PLA1A: variants seen among roughly 807,000 people sequenced by gnomAD.
PLA1A encodes phospholipase A1 member A.
A neutral mutation model predicts 49.4 loss-of-function variants in PLA1A; 47 were observed. The observed-to-expected ratio is 0.95, with a 90% CI of 0.75 to 1.21. The LOEUF is 1.21. Ranked by LOEUF, PLA1A falls within the 50% of genes most tolerant of loss-of-function variation. The pLI is 0.00. For synonymous variants in PLA1A, 224 were observed against 207.9 expected, an observed-to-expected ratio of 1.08 and a Z score of -0.67; for missense variants, 561 against 563.9, an observed-to-expected ratio of 0.99 and a Z score of 0.05.
intron 1 of PLA1A, 43 bp from the exon 2 acceptor site, chr3:119,606,731 A>G (rs1370683959): frequency 2.0e-6 from 3 of 1,493,922 alleles, no homozygotes; most frequent in African/African-American, 1.4e-5. Flanking sequence ...AGAACAGATG[A>G]CCTCACCTTG....
At chr3:119,613,306 T>A (rs545780296) in intron 5 of PLA1A, among the ~76,000 whole-genome samples, 188 bp downstream of exon 5, 1 of 152,352 alleles carries the variant, frequency 6.6e-6, no homozygotes, top group South Asian at 2.1e-4. Flanking sequence ...CTGAGGTGAA[T>A]GGTTGTATTT....
At chr3:119,624,541 C>T (rs1296630588) in intron 8 of PLA1A, among the ~76,000 whole-genome samples, 1 of 152,060 alleles carries the variant, frequency 6.6e-6, no homozygotes, top group Non-Finnish European at 1.5e-5. Flanking sequence ...TACAAAATAA[C>T]AAAAACTAAC....
rs572534437 is a variant in PLA1A, at chr3:119,614,028, C to T, written c.664+910C>T. Among the ~76,000 whole-genome samples, 41 of 152,364 alleles carry T rather than the reference C, an allele frequency of 2.7e-4. No homozygotes were observed. In the South Asian group the frequency reaches 6.4e-3, roughly 24 times the overall value. On this transcript the variant is annotated intron_variant, in intron 5 of 10. Transcript: ENST00000273371. ...GCGGGGGCATTCCTCTTCATGTCTG[C>T]TCCACGGCAAATGCCTGTGGGGTCT...
At chr3:119,608,250 A>AAGAAAGAT (rs1560078860) in intron 2 of PLA1A, among the ~76,000 whole-genome samples, 1 of 82,562 alleles carries the variant, frequency 1.2e-5, no homozygotes, top group East Asian at 2.6e-4. Context: ...GAGAGAAAGA[A>AAGAAAGAT]AGAAAGAAAG....
At chr3:119,617,748 A>AAAAGAAAAG (rs1175342972) in intron 6 of PLA1A, among the ~76,000 whole-genome samples, 3 of 151,648 alleles carry the variant, frequency 2.0e-5, no homozygotes, top group Non-Finnish European at 4.4e-5. Context: ...GTCTCAAAAA[A>AAAAGAAAAG]AAAAGAAAAG....
chr3:119,598,112 T>C, intron 1 of PLA1A, 126 bp downstream of exon 1: 1 of 561,988 alleles, frequency 1.8e-6, no homozygotes, highest in Middle Eastern at 2.7e-4. Context: ...GAGGTGAATT[T>C]AAAACAGTAG....
rs141130863 is a variant in PLA1A, at chr3:119,615,638, C to T, written c.665-374C>T. ...ACCAGCCTGGCTAACATGGTGAAAC[C>T]CTGTCTCTACTAAAAAAACACAAAA... On this transcript the variant is annotated intron_variant, in intron 5 of 10. Transcript: ENST00000273371. Among the ~76,000 whole-genome samples the T allele has an allele frequency of 5.0e-3, 753 of 151,846 alleles. 2 individuals are homozygous for T. Among genetic ancestry groups the T allele is most frequent in the African/African-American group, 0.018 (730 of 41,382 alleles).
intron 8 of PLA1A, 70 bp from the exon 9 acceptor site, chr3:119,625,054 G>T: frequency 1.1e-6 from 1 of 898,358 alleles, no homozygotes; most frequent in East Asian, 2.4e-5. Context: ...CCACACTGCT[G>T]CTCTCTGGGG....
intron 5 of PLA1A, among the ~76,000 whole-genome samples, chr3:119,613,428 G>T (rs1390102603): frequency 6.6e-6 from 1 of 152,204 alleles, no homozygotes. Flanking sequence ...AGCAGTACTG[G>T]GTAGGGCATT....
At chr3:119,614,301 T>C (rs2082813506) in intron 5 of PLA1A, among the ~76,000 whole-genome samples, 1 of 152,066 alleles carries the variant, frequency 6.6e-6, no homozygotes, top group South Asian at 2.1e-4. Flanking sequence ...GTTAAGCTTG[T>C]TCATTTAAAA....
At chr3:119,611,285 A>G (rs2629399) in intron 4 of PLA1A, among the ~76,000 whole-genome samples, 48,423 of 151,908 alleles carry the variant, frequency 0.32, 10,403 homozygotes, top group African/African-American at 0.6. Context: ...GCTTAGGATT[A>G]CCTTGGCTAT....
intron 9 of PLA1A, 152 bp from the exon 10 acceptor site, chr3:119,628,549 G>A: frequency 3.3e-6 from 2 of 608,526 alleles, no homozygotes; most frequent in East Asian, 2.8e-5. Flanking sequence ...AGAGGGGCTG[G>A]TGAAGGTGAC....
chr3:119,601,883 C>CT (rs2082622323), intron 1 of PLA1A, among the ~76,000 whole-genome samples: 4 of 152,106 alleles, frequency 2.6e-5, no homozygotes, highest in Admixed American at 2.6e-4. Flanking sequence ...GTCAAGTGTT[C>CT]TTTTTTTCTG....
At chr3:119,614,478 C>T (rs2082816728) in intron 5 of PLA1A, among the ~76,000 whole-genome samples, 1 of 151,980 alleles carries the variant, frequency 6.6e-6, no homozygotes, top group Non-Finnish European at 1.5e-5. Context: ...TGGTGGTAGG[C>T]ACCTGTAGTC....
Position 119,625,179 on chromosome 3 carries a change from C to T in PLA1A, c.1068C>T (p.Asn356=). The T allele has an allele frequency of 6.2e-7, 1 of 1,613,866 alleles. No homozygotes were observed. Reference sequence around the variant, plus strand: ...AGGAACTGAGAAACAAGGACACCAACATCGAGGTTACCTTCCTTAGCAGTA... The same window carrying T: ...AGGAACTGAGAAACAAGGACACCAATATCGAGGTTACCTTCCTTAGCAGTA... ...HLKELRNKDT[N]IEVTFLSSNI... Residue 356 remains asparagine, a synonymous_variant, in exon 9 of 11, where the codon AAC becomes AAT. Coordinates refer to ENST00000273371, the MANE Select transcript of PLA1A (RefSeq NM_015900.4).
intron 8 of PLA1A, among the ~76,000 whole-genome samples, chr3:119,619,918 G>C (rs762185457): frequency 6.6e-5 from 10 of 152,078 alleles, no homozygotes; most frequent in Admixed American, 4.6e-4. Context: ...CTTCTCTCTC[G>C]AGTGATGTTT....
At chr3:119,612,911 C>A (rs1321349794) in intron 4 of PLA1A, 106 bp from the exon 5 acceptor site, 6 of 674,476 alleles carry the variant, frequency 8.9e-6, no homozygotes, top group Non-Finnish European at 1.2e-5. Flanking sequence ...TGGGTCTTTT[C>A]TGGGAGGGTC....
At chr3:119,622,827 T>C (rs1234299883) in intron 8 of PLA1A, among the ~76,000 whole-genome samples, 2 of 152,084 alleles carry the variant, frequency 1.3e-5, no homozygotes, top group East Asian at 3.9e-4. Flanking sequence ...TTTCTTTTCT[T>C]ATTTATTTAT....
Position 119,599,656 on chromosome 3 carries a change from G to T in PLA1A, c.73+1670G>T, listed in dbSNP as rs545766813. On this transcript the variant is annotated intron_variant, in intron 1 of 10. Coordinates refer to ENST00000273371, the MANE Select transcript of PLA1A (RefSeq NM_015900.4). ...TAGGGTCAGCGCAGAAGCTGATCAGGTTCCAGCCACATATGTGGGAATCAT... is the reference window on the plus strand; with the variant it reads ...TAGGGTCAGCGCAGAAGCTGATCAGTTTCCAGCCACATATGTGGGAATCAT... Among the ~76,000 whole-genome samples the T allele has an allele frequency of 1.4e-3, 212 of 152,276 alleles. 1 individual carries two copies. Among genetic ancestry groups the T allele is most frequent in the African/African-American group, 4.7e-3 (194 of 41,562 alleles).
Sources: allele counts gnomAD v4.1 joint callset (sites outside exome capture counted in the v4.1 genomes callset), GRCh38; gene constraint gnomAD v4.1.1; transcripts MANE v1.5; gene names NCBI Gene and HGNC (gene_info 2026-07-23, HGNC 2026-07-21).